Variants in RMND5A observed in about 807,000 individuals in gnomAD.
RMND5A encodes E3 ubiquitin-protein transferase RMND5A.
RMND5A carries 17 observed loss-of-function variants against 49.7 expected under a neutral mutation model. That is an observed-to-expected ratio of 0.34 (90% CI 0.23 to 0.51). The LOEUF (loss-of-function observed/expected upper bound fraction) is 0.51, where lower values mean the gene tolerates loss of function less well. RMND5A is among the 20% of genes least tolerant of loss of function. The probability of loss-of-function intolerance (pLI) is 0.96; values close to 1 mark genes in which losing one functional copy is unlikely to be tolerated. For missense variants in RMND5A, 255 were observed against 471.3 expected (o/e 0.54, Z 4.25); for synonymous variants, 156 against 167.7 (o/e 0.93, Z 0.54).
At chr2:86,748,056 T>C (rs1024143863) in intron 2 of RMND5A, among the ~76,000 whole-genome samples, 1 of 152,146 alleles carries the variant, frequency 6.6e-6, no homozygotes, top group African/African-American at 2.4e-5. Context: ...AAAGAAAAAG[T>C]ATAGTAAGAC....
chr2:86,732,008 G>A (rs1328600801), intron 1 of RMND5A, among the ~76,000 whole-genome samples: 2 of 60,972 alleles, frequency 3.3e-5, no homozygotes, highest in Non-Finnish European at 5.9e-5. Context: ...AGTCTTAGGT[G>A]GTGATACTTT....
At chr2:86,769,504 A>G (rs985359092) in intron 6 of RMND5A, among the ~76,000 whole-genome samples, 18 of 152,290 alleles carry the variant, frequency 1.2e-4, no homozygotes, top group Middle Eastern at 3.4e-3. Context: ...TTTCCTTCAA[A>G]CTCAGATGCT....
Position 86,774,996 on chromosome 2 carries a change from T to C in RMND5A, c.*1585T>C, listed in dbSNP as rs1672742662. 3 of 152,674 alleles carry C rather than the reference T, an allele frequency of 2.0e-5. No homozygotes were observed. Among genetic ancestry groups the C allele is most frequent in the South Asian group, 2.1e-4 (1 of 4,828 alleles). 9.5% of individuals were successfully genotyped at this position (152,674 alleles called of 1,614,324 possible). A position where few individuals can be genotyped will look rare whatever the true frequency, so the allele number is the denominator to read the frequency against. Reference sequence around the variant, plus strand: ...GTGGAAAACCTCTGCTTGAGTACCATGTGGCCAGGCCTATGTGGATGGCTA... The same window carrying C: ...GTGGAAAACCTCTGCTTGAGTACCACGTGGCCAGGCCTATGTGGATGGCTA... On this transcript the variant is annotated 3_prime_UTR_variant, in exon 9 of 9. Coordinates refer to ENST00000283632, the MANE Select transcript of RMND5A (RefSeq NM_022780.4).
intron 2 of RMND5A, 117 bp from the exon 3 acceptor site, chr2:86,751,779 T>C: frequency 2.3e-6 from 2 of 876,800 alleles, no homozygotes; most frequent in Non-Finnish European, 3.4e-6. Context: ...TGGGACGCTA[T>C]AAATTGCAGT....
At chr2:86,754,562 C>CA (rs1400956092) in intron 4 of RMND5A, among the ~76,000 whole-genome samples, 2 of 152,008 alleles carry the variant, frequency 1.3e-5, no homozygotes, top group Non-Finnish European at 2.9e-5. Flanking sequence ...TCTTTCTAAT[C>CA]ATTTCTCAGT....
intron 4 of RMND5A, 43 bp downstream of exon 4, chr2:86,753,601 T>C (rs759635596): frequency 7.8e-6 from 8 of 1,022,538 alleles, no homozygotes; most frequent in Non-Finnish European, 1.2e-5. Context: ...TTGAGAACTC[T>C]CTGTAAGAAA....
chr2:86,749,921 C>T (rs148902001), intron 2 of RMND5A, among the ~76,000 whole-genome samples: 31 of 152,162 alleles, frequency 2.0e-4, no homozygotes, highest in Non-Finnish European at 3.7e-4. Flanking sequence ...GAAAAGCACT[C>T]CTGCATTGTG....
At chr2:86,721,074 G>A in intron 1 of RMND5A, 1 of 343,004 alleles carries the variant, frequency 2.9e-6, no homozygotes, top group Non-Finnish European at 5.3e-6. Context: ...CCGGATAAAC[G>A]TGGGTGAGGG....
At chr2:86,747,487 C>T (rs1460400101) in intron 2 of RMND5A, among the ~76,000 whole-genome samples, 1 of 152,126 alleles carries the variant, frequency 6.6e-6, no homozygotes, top group Admixed American at 6.5e-5. Context: ...TGTTAAGTAT[C>T]CTTTGCTGTC....
chr2:86,775,271 T>TGA lies in RMND5A; in HGVS notation c.*1860_*1861insGA, dbSNP rs1558729249. 1 of 151,922 alleles carries TGA rather than the reference T, an allele frequency of 6.6e-6. No homozygotes were observed. Among genetic ancestry groups the TGA allele is most frequent in the Admixed American group, 6.6e-5 (1 of 15,254 alleles). The allele number at this position is 151,922 out of a possible 1,614,324, so 9.4% of individuals were successfully genotyped here. On this transcript the variant is annotated 3_prime_UTR_variant, in exon 9 of 9. Transcript: ENST00000283632. Reference sequence around the variant, plus strand: ...CTGACCAAGGGTGTAAACCAGTTTATTATATATATATTTTTCCTTTGAATT... The same window carrying TGA: ...CTGACCAAGGGTGTAAACCAGTTTATGATATATATATATTTTTCCTTTGAATT...
At chr2:86,759,679 A>T (rs767781735) in intron 4 of RMND5A, among the ~76,000 whole-genome samples, 1 of 145,622 alleles carries the variant, frequency 6.9e-6, no homozygotes, top group Non-Finnish European at 1.5e-5. Context: ...GAGCACCTGT[A>T]ACCCCAGCTA....
chr2:86,723,992 A>T (rs1428741984), intron 1 of RMND5A, among the ~76,000 whole-genome samples: 1 of 152,130 alleles, frequency 6.6e-6, no homozygotes, highest in Non-Finnish European at 1.5e-5. Flanking sequence ...AAATGAGGAT[A>T]GTATGGGCTG....
chr2:86,745,775 C>G (rs1035522851), intron 2 of RMND5A, among the ~76,000 whole-genome samples: 2 of 152,138 alleles, frequency 1.3e-5, no homozygotes, highest in Admixed American at 1.3e-4. Flanking sequence ...TCCCATGATG[C>G]AGGGACATTA....
chr2:86,776,329 T>G lies in RMND5A; in HGVS notation c.*2918T>G, dbSNP rs1057227216. ...TGGTGCCTCTTTATTTTAAAAAATT[T>G]GAAGAAAAGAGCCACCTCATATTCA... On this transcript the variant is annotated 3_prime_UTR_variant, in exon 9 of 9. Coordinates refer to ENST00000283632, the MANE Select transcript of RMND5A (RefSeq NM_022780.4). 6.6e-6 allele frequency: 1 copy of G among 152,210 alleles called. No individual in the cohort carries two copies. The highest frequency in any genetic ancestry group is 1.5e-5 in the Non-Finnish European group (1 of 68,032). The allele number at this position is 152,210 out of a possible 1,614,324, so 9.4% of individuals were successfully genotyped here. A position where few individuals can be genotyped will look rare whatever the true frequency, so the allele number is the denominator to read the frequency against.
At chr2:86,756,902 G>A (rs763199529) in intron 4 of RMND5A, among the ~76,000 whole-genome samples, 2 of 152,104 alleles carry the variant, frequency 1.3e-5, no homozygotes, top group Non-Finnish European at 2.9e-5. Context: ...GGCCGGGCAC[G>A]GTGGCTCATG....
chr2:86,753,748 T>A (rs1275072792), intron 4 of RMND5A, among the ~76,000 whole-genome samples, 190 bp downstream of exon 4: 1 of 152,204 alleles, frequency 6.6e-6, no homozygotes, highest in African/African-American at 2.4e-5. Context: ...GAGAAAATGG[T>A]TGGAGCTTAT....
intron 3 of RMND5A, among the ~76,000 whole-genome samples, chr2:86,753,236 A>G (rs572106628): frequency 2.6e-5 from 4 of 152,314 alleles, no homozygotes; most frequent in East Asian, 1.9e-4. Context: ...TTACAAAGCC[A>G]TACCCAGCTT....
intron 6 of RMND5A, among the ~76,000 whole-genome samples, chr2:86,769,393 A>C (rs937082937): frequency 1.4e-4 from 22 of 152,364 alleles, no homozygotes; most frequent in Admixed American, 1.0e-3. Flanking sequence ...TTTTGTAAGA[A>C]AAATAAGTCT....
At position 86,720,733 on chromosome 2, in the gene RMND5A, G is replaced by C. The variant is rs1256723612; in HGVS notation, c.66G>C (p.Gly22=). ...TGCTGCACAAGTTCTCAGGCTACGG[G>C]CAGCTGTGCGAGCGCGGCCTGGAGG... ...EKVLHKFSGY[G]QLCERGLEEL... The change falls in exon 1 of 9, where the codon GGG becomes GGC. Residue 22 remains glycine (G), a synonymous_variant. Coordinates refer to ENST00000283632, the MANE Select transcript of RMND5A (RefSeq NM_022780.4). 3 of 1,589,808 alleles carry C rather than the reference G, an allele frequency of 1.9e-6. No homozygotes were observed. The highest frequency in any genetic ancestry group is 2.6e-6 in the Non-Finnish European group (3 of 1,169,076).
Sources: gnomAD v4.1 joint callset for allele counts (sites outside exome capture counted in the v4.1 genomes callset) on GRCh38, gnomAD v4.1.1 for gene constraint, MANE v1.5 for transcripts, NCBI Gene and HGNC (gene_info 2026-07-23, HGNC 2026-07-21) for gene names.